Variants in FBN1 observed in about 807,000 individuals in gnomAD.
FBN1 encodes the protein fibrillin 1.
Under a neutral mutation model 365.1 loss-of-function variants are expected in FBN1, and 29 were observed. That is an observed-to-expected ratio of 0.08 (90% CI 0.06 to 0.11). FBN1 has a LOEUF of 0.11. Among genes scored for constraint, FBN1 ranks in the 10% least tolerant of loss-of-function variants. The probability of loss-of-function intolerance (pLI) is 1.00; values close to 1 mark genes in which losing one functional copy is unlikely to be tolerated. For missense variants in FBN1, 2,476 were observed against 3,703.2 expected (o/e 0.67, Z 8.60); for synonymous variants, 1,210 against 1,270.5 (o/e 0.95, Z 1.01).
At position 48,423,863 on chromosome 15, in the gene FBN1, C is replaced by T. The variant is rs577940045; in HGVS notation, c.7453+1506G>A. Among the ~76,000 whole-genome samples the T allele has an allele frequency of 2.6e-5, 4 of 152,272 alleles. No individual in the cohort carries two copies. In the East Asian group the frequency reaches 7.7e-4, roughly 29 times the overall value. ...GGAAAAGGGACAAGTTGTGAGTGGA[C>T]ATGTAAAAATTACAGTTGCTCTTTG... On this transcript the variant is annotated intron_variant, in intron 60 of 65. Coordinates refer to ENST00000316623, the MANE Select transcript of FBN1 (RefSeq NM_000138.5).
At chr15:48,467,333 C>T (rs2043331077) in intron 38 of FBN1, among the ~76,000 whole-genome samples, 1 of 152,144 alleles carries the variant, frequency 6.6e-6, no homozygotes, top group Non-Finnish European at 1.5e-5. Flanking sequence ...AAAAAGAATC[C>T]ATACCTATCC....
chr15:48,604,477 G>C (rs1047480853), intron 4 of FBN1, among the ~76,000 whole-genome samples: 1 of 152,186 alleles, frequency 6.6e-6, no homozygotes, highest in Admixed American at 6.5e-5. Context: ...TTTCCCTTAA[G>C]TGAACAGATG....
intron 64 of FBN1, among the ~76,000 whole-genome samples, chr15:48,414,250 T>C (rs2042885198): frequency 6.6e-6 from 1 of 152,180 alleles, no homozygotes; most frequent in Non-Finnish European, 1.5e-5. Context: ...TCTGGGAATT[T>C]GTGTCTGATT....
chr15:48,441,080 G>C (rs2043110458), intron 50 of FBN1, among the ~76,000 whole-genome samples: 1 of 152,142 alleles, frequency 6.6e-6, no homozygotes, highest in Non-Finnish European at 1.5e-5. Flanking sequence ...AGTCTAAACA[G>C]TTTTCTGGGA....
chr15:48,493,814 A>C (rs748199123), intron 23 of FBN1, among the ~76,000 whole-genome samples: 1 of 152,224 alleles, frequency 6.6e-6, no homozygotes, highest in Non-Finnish European at 1.5e-5. Context: ...AGAAAACAGA[A>C]TGTGTCCTTC....
chr15:48,489,830 A>C (rs375751570), intron 25 of FBN1, 21 bp downstream of exon 25: 3 of 1,602,352 alleles, frequency 1.9e-6, no homozygotes, highest in African/African-American at 1.3e-5. Context: ...GCAATTGGCC[A>C]TGGAAAACGT....
At chr15:48,535,510 T>C (rs1251784088) in intron 7 of FBN1, among the ~76,000 whole-genome samples, 1 of 152,236 alleles carries the variant, frequency 6.6e-6, no homozygotes, top group African/African-American at 2.4e-5. Context: ...CATCTCTTTG[T>C]TCATAACAGA....
intron 6 of FBN1, among the ~76,000 whole-genome samples, chr15:48,568,026 A>AAAGAAAGAAAGG: frequency 8.4e-6 from 1 of 118,802 alleles, no homozygotes; most frequent in Admixed American, 8.2e-5. Context: ...AGAAAGAAAG[A>AAAGAAAGAAAGG]AAGAAAGAAA....
intron 2 of FBN1, among the ~76,000 whole-genome samples, chr15:48,636,717 G>A (rs141348196): frequency 3.3e-5 from 5 of 152,230 alleles, no homozygotes; most frequent in East Asian, 1.9e-4. Flanking sequence ...GGCTGCAGGC[G>A]CCAGTGCCTG....
At chr15:48,419,182 C>T (rs1435279372) in intron 63 of FBN1, among the ~76,000 whole-genome samples, 1 of 152,026 alleles carries the variant, frequency 6.6e-6, no homozygotes, top group Admixed American at 6.6e-5. Context: ...CATTAAGAAC[C>T]CCAAACTTCT....
intron 46 of FBN1, among the ~76,000 whole-genome samples, chr15:48,447,156 A>T (rs538602758): frequency 9.2e-5 from 14 of 152,324 alleles, no homozygotes; most frequent in Admixed American, 6.5e-4. Flanking sequence ...GAAAATGGAA[A>T]AAACTCTGTG....
intron 53 of FBN1, among the ~76,000 whole-genome samples, chr15:48,436,150 T>A (rs1352308500): frequency 1.3e-5 from 2 of 152,190 alleles, no homozygotes; most frequent in Non-Finnish European, 2.9e-5. Context: ...TCAAGAATAT[T>A]ATTTCTGTTT....
rs201992942 is a variant in FBN1 at position 48,421,998 on chromosome 15, T to A, written c.7524A>T (p.Thr2508=). The A allele has an allele frequency of 1.9e-6, 3 of 1,614,144 alleles. No homozygotes were observed. The highest frequency in any genetic ancestry group is 3.3e-5 in the Admixed American group (2 of 60,028). ...FLCVNTIGGF[T]CKCPPGFTQH... ...GGGTAAATCCGGGAGGACATTTGCATGTGAAGCCGCCAATGGTGTTAACAC... is the reference window on the plus strand; with the variant it reads ...GGGTAAATCCGGGAGGACATTTGCAAGTGAAGCCGCCAATGGTGTTAACAC... Residue 2508 remains threonine (T), a synonymous_variant, in exon 61 of 66, where the codon ACA becomes ACT. Transcript: ENST00000316623.
chr15:48,504,899 G>C, intron 16 of FBN1, 126 bp downstream of exon 16: 1 of 1,275,758 alleles, frequency 7.8e-7, no homozygotes, highest in South Asian at 1.2e-5. Flanking sequence ...GACCCTGTTG[G>C]TTTGTTGCTC....
At chr15:48,547,678 AATAG>A (rs904307373) in intron 6 of FBN1, among the ~76,000 whole-genome samples, 6 of 151,000 alleles carry the variant, frequency 4.0e-5, no homozygotes, top group African/African-American at 1.5e-4. Context: ...TCCATGTGCT[AATAG>A]ATATGTGGTA....
At chr15:48,524,153 A>T (rs990281549) in intron 9 of FBN1, among the ~76,000 whole-genome samples, 8 of 152,072 alleles carry the variant, frequency 5.3e-5, no homozygotes, top group Non-Finnish European at 1.0e-4. Context: ...TAAAAAGACA[A>T]CCCTACAGGC....
intron 17 of FBN1, among the ~76,000 whole-genome samples, chr15:48,503,431 G>A (rs2043679787): frequency 6.6e-6 from 1 of 152,178 alleles, no homozygotes; most frequent in Admixed American, 6.5e-5. Context: ...TAATATGACA[G>A]TTATTTACTT....
chr15:48,474,989 C>G (rs1404671972), intron 32 of FBN1, among the ~76,000 whole-genome samples: 4 of 151,702 alleles, frequency 2.6e-5, no homozygotes, highest in Non-Finnish European at 5.9e-5. Context: ...CACATATTTT[C>G]TTTTGCTAGT....
chr15:48,431,282 G>A (rs1464431800), intron 55 of FBN1, among the ~76,000 whole-genome samples: 3 of 151,512 alleles, frequency 2.0e-5, no homozygotes, highest in Admixed American at 2.0e-4. Context: ...TGTATTTTTA[G>A]TAGAGATGGG....
Sources: gnomAD v4.1 joint callset for allele counts (sites outside exome capture counted in the v4.1 genomes callset) on GRCh38, gnomAD v4.1.1 for gene constraint, MANE v1.5 for transcripts, NCBI Gene and HGNC (gene_info 2026-07-23, HGNC 2026-07-21) for gene names.